Variants in PIK3CA observed in about 807,000 individuals in gnomAD.
The protein encoded by PIK3CA is phosphatidylinositol 4,5-bisphosphate 3-kinase catalytic subunit alpha isoform.
PIK3CA carries 27 observed loss-of-function variants against 138.2 expected under a neutral mutation model. The ratio of observed to expected loss-of-function variants is 0.20; its 90% confidence interval spans 0.14 to 0.27. The LOEUF (loss-of-function observed/expected upper bound fraction) is 0.27. PIK3CA is among the 10% of genes least tolerant of loss of function. The pLI is 1.00. For synonymous variants in PIK3CA, 358 were observed against 413.2 expected (o/e 0.87, Z 1.62); for missense variants, 544 against 1,277.4 (o/e 0.43, Z 8.75).
intron 3 of PIK3CA, among the ~76,000 whole-genome samples, chr3:179,200,386 C>A (rs1724380533): frequency 6.6e-6 from 1 of 151,790 alleles, no homozygotes; most frequent in Non-Finnish European, 1.5e-5. Flanking sequence ...ATATTAGTTT[C>A]TAGAATTAAG....
chr3:179,185,664 C>G (rs543112052), intron 1 of PIK3CA, among the ~76,000 whole-genome samples: 1 of 152,296 alleles, frequency 6.6e-6, no homozygotes, highest in East Asian at 1.9e-4. Flanking sequence ...TATAAATCAG[C>G]GTTCCCATGA....
intron 1 of PIK3CA, among the ~76,000 whole-genome samples, chr3:179,190,259 G>A (rs1211715804): frequency 2.0e-5 from 3 of 151,488 alleles, no homozygotes; most frequent in Admixed American, 1.3e-4. Context: ...GCTCTTCTAT[G>A]CTCTAGGATT....
chr3:179,233,616 A>T (rs1229406754), intron 20 of PIK3CA, among the ~76,000 whole-genome samples: 1 of 152,170 alleles, frequency 6.6e-6, no homozygotes, highest in Non-Finnish European at 1.5e-5. Flanking sequence ...GCTTAATACG[A>T]CATTTTTTGG....
intron 1 of PIK3CA, among the ~76,000 whole-genome samples, chr3:179,196,383 T>C (rs1311944669): frequency 1.3e-5 from 2 of 152,206 alleles, no homozygotes; most frequent in Non-Finnish European, 2.9e-5. Context: ...TTCTTCAGAT[T>C]TTTTGTAGGC....
At position 179,234,155 on chromosome 3, in the gene PIK3CA, A is replaced by C; in HGVS notation, c.2998A>C (p.Asn1000His). 1 of 1,613,274 alleles carries C rather than the reference A, an allele frequency of 6.2e-7. No individual in the cohort carries two copies. The change falls in exon 21 of 21, where the codon AAT becomes CAT. Residue 1000 changes from asparagine (N) to histidine (H), a missense_variant. Coordinates refer to ENST00000263967, the MANE Select transcript of PIK3CA (RefSeq NM_006218.4). This position sits in a 1 kb window ranked among gnomAD's most constrained non-coding sequence, Gnocchi z 5.1. ...AIRQHANLFI[N>H]LFSMMLGSGM... ...TCGACAGCATGCCAATCTCTTCATAAATCTTTTCTCAATGATGCTTGGCTC... is the reference window on the plus strand; with the variant it reads ...TCGACAGCATGCCAATCTCTTCATACATCTTTTCTCAATGATGCTTGGCTC...
At chr3:179,199,263 T>TG in intron 2 of PIK3CA, 86 bp downstream of exon 2, 1 of 808,446 alleles carries the variant, frequency 1.2e-6, no homozygotes, top group Non-Finnish European at 1.9e-6. Context: ...TCTAAACCAA[T>TG]ACCTTCGTAA....
Position 179,234,438 on chromosome 3 carries a change from C to G in PIK3CA, c.*74C>G, listed in dbSNP as rs1439894223. Reference sequence around the variant, plus strand: ...GTTAATAACTCTCAGCAGGCAAAGACCGATTGCATAGGAATTGCACAATCC... The same window carrying G: ...GTTAATAACTCTCAGCAGGCAAAGAGCGATTGCATAGGAATTGCACAATCC... On this transcript the variant is annotated 3_prime_UTR_variant, in exon 21 of 21. Coordinates refer to ENST00000263967, the MANE Select transcript of PIK3CA (RefSeq NM_006218.4). The surrounding 1 kb of genome is among the most constrained non-coding windows in gnomAD (Gnocchi z 5.1). The G allele has an allele frequency of 7.9e-7, 1 of 1,271,610 alleles. No homozygotes were observed. Among genetic ancestry groups the G allele is most frequent in the Non-Finnish European group, 1.1e-6 (1 of 915,442 alleles). The allele number at this position is 1,271,610 out of a possible 1,614,324, so 78.8% of individuals were successfully genotyped here.
chr3:179,164,424 A>G (rs111473195), intron 1 of PIK3CA, among the ~76,000 whole-genome samples: 5,677 of 152,304 alleles, frequency 0.037, 117 homozygotes, highest in Admixed American at 0.041. Context: ...ATCCAAGTTA[A>G]GAAAAGGAAA....
chr3:179,213,367 C>T (rs1378836784), intron 9 of PIK3CA, among the ~76,000 whole-genome samples: 20 of 152,158 alleles, frequency 1.3e-4, no homozygotes, highest in Admixed American at 5.9e-4. Context: ...GATAGCCTTA[C>T]GTCTAACACA....
chr3:179,212,233 C>T (rs1234207202), intron 9 of PIK3CA, among the ~76,000 whole-genome samples: 5 of 150,896 alleles, frequency 3.3e-5, no homozygotes, highest in Admixed American at 3.3e-4. Context: ...GTCTTGAACT[C>T]CTGACTTCAT....
At chr3:179,204,038 A>G (rs543853674) in intron 5 of PIK3CA, among the ~76,000 whole-genome samples, 2 of 152,308 alleles carry the variant, frequency 1.3e-5, no homozygotes, top group Non-Finnish European at 2.9e-5. Context: ...CAAAAGTTTT[A>G]CAGAATTCGT....
intron 1 of PIK3CA, among the ~76,000 whole-genome samples, chr3:179,150,068 T>G (rs2108346135): frequency 6.6e-6 from 1 of 151,926 alleles, no homozygotes; most frequent in South Asian, 2.1e-4. Flanking sequence ...ACAGCATAGA[T>G]CTCCATCTAA....
At chr3:179,169,342 G>A (rs2108360820) in intron 1 of PIK3CA, 1 of 151,862 alleles carries the variant, frequency 6.6e-6, no homozygotes, top group African/African-American at 2.4e-5. Context: ...AATCCTATTG[G>A]CATTTTATTG....
At chr3:179,165,434 C>T (rs961663046) in intron 1 of PIK3CA, among the ~76,000 whole-genome samples, 1 of 151,910 alleles carries the variant, frequency 6.6e-6, no homozygotes, top group Non-Finnish European at 1.5e-5. Context: ...ACTGTGACAC[C>T]CAGGCTGGAG....
intron 1 of PIK3CA, among the ~76,000 whole-genome samples, chr3:179,184,156 C>G (rs1019779495): frequency 2.0e-5 from 3 of 152,200 alleles, no homozygotes; most frequent in Non-Finnish European, 4.4e-5. Flanking sequence ...GATTCACTTA[C>G]CAGCAGGCTG....
At chr3:179,148,176 G>C (rs1456769703), upstream of PIK3CA, 1 of 152,362 alleles carries the variant, frequency 6.6e-6, no homozygotes, top group Non-Finnish European at 1.5e-5. Context: ...GAGGAGGGGG[G>C]GGGCCGAGGG....
chr3:179,211,442 G>A (rs1166674925), intron 9 of PIK3CA, among the ~76,000 whole-genome samples: 5 of 152,126 alleles, frequency 3.3e-5, no homozygotes, highest in African/African-American at 1.2e-4. Flanking sequence ...AGGCCGAAGC[G>A]GGTGAATCAC....
At chr3:179,223,971 A>T in intron 14 of PIK3CA, 110 bp from the exon 15 acceptor site, 1 of 536,768 alleles carries the variant, frequency 1.9e-6, no homozygotes, top group Non-Finnish European at 3.4e-6. Context: ...TAGGATGTAG[A>T]TTCAGAGACT....
chr3:179,207,678 C>T (rs577787562), intron 6 of PIK3CA, among the ~76,000 whole-genome samples: 1 of 152,014 alleles, frequency 6.6e-6, no homozygotes, highest in African/African-American at 2.4e-5. Context: ...CACCACCACG[C>T]CCAGCTAATC....
Sources: allele counts gnomAD v4.1 joint callset (sites outside exome capture counted in the v4.1 genomes callset), GRCh38; gene constraint gnomAD v4.1.1; non-coding constraint Gnocchi (gnomAD v3.1); transcripts MANE v1.5; gene names NCBI Gene and HGNC (gene_info 2026-07-23, HGNC 2026-07-21).